Variants in NAALADL2 observed in about 807,000 individuals in gnomAD.
NAALADL2 encodes the protein inactive N-acetylated-alpha-linked acidic dipeptidase-like protein 2.
Under a neutral mutation model 87.2 loss-of-function variants are expected in NAALADL2, and 76 were observed. That is an observed-to-expected ratio of 0.87 (90% confidence interval 0.72 to 1.05). The LOEUF (loss-of-function observed/expected upper bound fraction) is 1.05. Among genes scored for constraint, NAALADL2 ranks in the 50% least tolerant of loss-of-function variants. NAALADL2 has a pLI of 0.00. For missense variants in NAALADL2, 1,089 were observed against 945.8 expected (o/e 1.15, Z -1.99); for synonymous variants, 354 against 331.0 (o/e 1.07, Z -0.75).
intron 10 of NAALADL2, among the ~76,000 whole-genome samples, chr3:175,590,905 G>A (rs1721352781): frequency 6.6e-6 from 1 of 152,136 alleles, no homozygotes; most frequent in South Asian, 2.1e-4. Context: ...AGGTATGTGT[G>A]TGTGCTTAGG....
intron 1 of NAALADL2, among the ~76,000 whole-genome samples, chr3:174,481,033 A>G (rs942088046): frequency 6.6e-6 from 1 of 152,094 alleles, no homozygotes; most frequent in African/African-American, 2.4e-5. Context: ...CCAGCCAGTG[A>G]GCCTATAAGA....
intron 1 of NAALADL2, among the ~76,000 whole-genome samples, chr3:174,905,484 A>G (rs1033783214): frequency 1.3e-5 from 2 of 152,048 alleles, no homozygotes; most frequent in Admixed American, 1.3e-4. Context: ...AAATGGCAGC[A>G]TGCATTAAAC....
intron 3 of NAALADL2, among the ~76,000 whole-genome samples, chr3:174,749,691 G>A (rs1734632040): frequency 6.6e-6 from 1 of 152,130 alleles, no homozygotes; most frequent in African/African-American, 2.4e-5. Flanking sequence ...GGGTTTCCCA[G>A]GATGTAGGAA....
chr3:175,315,119 G>A (rs1268208761), intron 4 of NAALADL2, among the ~76,000 whole-genome samples: 1 of 152,096 alleles, frequency 6.6e-6, no homozygotes, highest in African/African-American at 2.4e-5. Flanking sequence ...GAGCTATAAT[G>A]TAGCTTGATG....
rs1560225762 is a variant in NAALADL2, at chr3:174,787,604, T to TATATACATATATATATATATACAC, written c.-9+49863_-9+49864insCATATATATATATATACACATATA. ...ATATATATATATATATATATATATA[T>TATATACATATATATATATATACAC]ATATATATATATATATAGTAGTGAC... On this transcript the variant is annotated intron_variant, in intron 3 of 3. Coordinates refer to the NAALADL2 transcript ENST00000434257. Among the ~76,000 whole-genome samples the TATATACATATATATATATATACAC allele has an allele frequency of 2.6e-4, 23 of 87,926 alleles. 2 individuals are homozygous for TATATACATATATATATATATACAC. Among genetic ancestry groups the TATATACATATATATATATATACAC allele is most frequent in the East Asian group, 2.1e-3 (4 of 1,904 alleles). 57.7% of individuals were successfully genotyped at this position (87,926 alleles called of 152,430 possible).
chr3:175,382,912 A>G (rs1375109711), intron 5 of NAALADL2, among the ~76,000 whole-genome samples: 1 of 152,128 alleles, frequency 6.6e-6, no homozygotes, highest in Admixed American at 6.5e-5. Flanking sequence ...AGATTTACAC[A>G]CTTGAGTTAA....
At chr3:175,215,377 G>A (rs1396022795) in intron 2 of NAALADL2, among the ~76,000 whole-genome samples, 1 of 151,964 alleles carries the variant, frequency 6.6e-6, no homozygotes, top group South Asian at 2.1e-4. Context: ...CTCCTCCCAC[G>A]ATAGCATTTT....
intron 1 of NAALADL2, among the ~76,000 whole-genome samples, chr3:174,862,387 A>C (rs1157754132): frequency 6.6e-6 from 1 of 151,944 alleles, no homozygotes; most frequent in Non-Finnish European, 1.5e-5. Context: ...CTTAGGCTAA[A>C]GTTTCTTCAG....
chr3:175,040,853 A>G (rs1266481247), intron 1 of NAALADL2, among the ~76,000 whole-genome samples: 1 of 152,128 alleles, frequency 6.6e-6, no homozygotes, highest in Non-Finnish European at 1.5e-5. Flanking sequence ...ACTAAGTTAT[A>G]CAGAACCCCA....
chr3:174,736,547 A>G (rs777128108), intron 2 of NAALADL2, among the ~76,000 whole-genome samples: 4 of 152,010 alleles, frequency 2.6e-5, no homozygotes, highest in Non-Finnish European at 5.9e-5. Flanking sequence ...AGCAGAGAGG[A>G]GACCCTGGAG....
chr3:174,518,436 C>T (rs1356426567), intron 1 of NAALADL2, among the ~76,000 whole-genome samples: 1 of 152,098 alleles, frequency 6.6e-6, no homozygotes, highest in Non-Finnish European at 1.5e-5. Context: ...CATCTTTTAG[C>T]TGATTAATGC....
chr3:175,232,394 T>A (rs1349546374), intron 2 of NAALADL2, among the ~76,000 whole-genome samples: 1 of 152,168 alleles, frequency 6.6e-6, no homozygotes, highest in East Asian at 1.9e-4. Flanking sequence ...TTACCTTTTA[T>A]CTTGTGTAAT....
intron 10 of NAALADL2, among the ~76,000 whole-genome samples, chr3:175,605,244 C>A (rs7623834): frequency 0.74 from 112,953 of 152,068 alleles, 42,234 homozygotes; most frequent in East Asian, 0.88. Flanking sequence ...TTCTATACAG[C>A]AATCTGACAT....
At chr3:175,135,994 T>C (rs1729058718) in intron 2 of NAALADL2, among the ~76,000 whole-genome samples, 1 of 152,142 alleles carries the variant, frequency 6.6e-6, no homozygotes, top group Non-Finnish European at 1.5e-5. Context: ...AGTTCAAGTG[T>C]TACGGGGAGA....
intron 1 of NAALADL2, among the ~76,000 whole-genome samples, chr3:174,443,304 A>G (rs919343147): frequency 4.3e-4 from 65 of 152,170 alleles, no homozygotes; most frequent in African/African-American, 1.5e-3. Context: ...GGAAGTGGTG[A>G]GTAGTTCATA....
chr3:175,356,150 C>T lies in NAALADL2; in HGVS notation c.1090+31825C>T, dbSNP rs1344493502. 3.3e-5 allele frequency among the ~76,000 whole-genome samples: 5 copies of T among 152,046 alleles called. No homozygotes were observed. The East Asian group carries it at 5.8e-4, about 18-fold the overall frequency. On this transcript the variant is annotated intron_variant, in intron 5 of 13. Transcript: ENST00000454872. ...ATGCCTTCTCATCACTGCACCAAGC[C>T]GGGGGTAAGAGGAGTAGGTGGTAAA...
intron 1 of NAALADL2, among the ~76,000 whole-genome samples, chr3:174,464,482 C>T (rs528008861): frequency 4.5e-4 from 68 of 151,398 alleles, no homozygotes; most frequent in South Asian, 2.5e-3. Flanking sequence ...TTACATTTAC[C>T]TAAATAAAAT....
At chr3:175,024,666 C>T (rs1751989900) in intron 1 of NAALADL2, among the ~76,000 whole-genome samples, 1 of 151,846 alleles carries the variant, frequency 6.6e-6, no homozygotes, top group Non-Finnish European at 1.5e-5. Flanking sequence ...ACATTGTCTT[C>T]AATAGTATAG....
chr3:174,737,045 G>A (rs1733287346), intron 2 of NAALADL2, among the ~76,000 whole-genome samples: 1 of 152,228 alleles, frequency 6.6e-6, no homozygotes, highest in Admixed American at 6.5e-5. Context: ...CTGGAAGGGT[G>A]GGGGTCCTGC....
Sources: allele counts gnomAD v4.1 joint callset (sites outside exome capture counted in the v4.1 genomes callset), GRCh38; gene constraint gnomAD v4.1.1; transcripts MANE v1.5; gene names NCBI Gene and HGNC (gene_info 2026-07-23, HGNC 2026-07-21).